PALM2AKAP2: variants seen among roughly 807,000 people sequenced by gnomAD.
The protein encoded by PALM2AKAP2 is PALM2 and AKAP2 fusion, also known as PALM2-AKAP2 fusion protein.
In PALM2AKAP2, 37 loss-of-function variants were observed where a neutral mutation model predicts 71.5. That is an observed-to-expected ratio of 0.52 (90% CI 0.40 to 0.68). The LOEUF is 0.68. Among genes scored for constraint, PALM2AKAP2 ranks in the 30% least tolerant of loss-of-function variants. The probability of loss-of-function intolerance (pLI) is 0.00; values close to 1 mark genes in which losing one functional copy is unlikely to be tolerated. For synonymous variants in PALM2AKAP2, 468 were observed against 478.8 expected (o/e 0.98, Z 0.29); for missense variants, 1,224 against 1,191.8 (o/e 1.03, Z -0.40).
intron 7 of PALM2AKAP2, among the ~76,000 whole-genome samples, chr9:110,023,927 G>A (rs1156518797): frequency 2.6e-5 from 4 of 152,090 alleles, no homozygotes; most frequent in Non-Finnish European, 5.9e-5. Flanking sequence ...CAGGGAGATT[G>A]AGGCTGCAGT....
At chr9:110,138,874 A>G (rs1324022313) in intron 2 of PALM2AKAP2, among the ~76,000 whole-genome samples, 2 of 152,240 alleles carry the variant, frequency 1.3e-5, no homozygotes, top group Non-Finnish European at 2.9e-5. Flanking sequence ...TTTGTGGCAT[A>G]GAACCAGAGT....
intron 1 of PALM2AKAP2, among the ~76,000 whole-genome samples, chr9:109,726,941 A>C (rs188297818): frequency 5.8e-4 from 89 of 152,344 alleles, no homozygotes; most frequent in Admixed American, 1.4e-3. Context: ...TCATTATTGC[A>C]GAAAGTTCCA....
intron 2 of PALM2AKAP2, 147 bp from the exon 3 acceptor site, chr9:109,880,404 G>A: frequency 8.4e-7 from 1 of 1,196,836 alleles, no homozygotes; most frequent in Non-Finnish European, 1.1e-6. Flanking sequence ...CTAGAGGGAA[G>A]TAGGGAGCCA....
intron 7 of PALM2AKAP2, among the ~76,000 whole-genome samples, chr9:110,036,974 C>T (rs1333099828): frequency 6.6e-6 from 1 of 152,146 alleles, no homozygotes; most frequent in African/African-American, 2.4e-5. Flanking sequence ...CAATATCTAT[C>T]CCTTTACCCT....
intron 1 of PALM2AKAP2, among the ~76,000 whole-genome samples, chr9:109,702,955 A>G (rs1828086455): frequency 6.6e-6 from 1 of 151,816 alleles, no homozygotes; most frequent in South Asian, 2.1e-4. Context: ...TGTAGCTGGG[A>G]GTACAGGCAC....
chr9:109,835,448 G>A (rs1005707760), intron 1 of PALM2AKAP2, among the ~76,000 whole-genome samples: 11 of 152,066 alleles, frequency 7.2e-5, no homozygotes, highest in Middle Eastern at 3.2e-3. Context: ...AGCTCCCAGC[G>A]TGAGCAACAC....
At chr9:109,935,039 C>A (rs978722956) in intron 6 of PALM2AKAP2, among the ~76,000 whole-genome samples, 1 of 152,214 alleles carries the variant, frequency 6.6e-6, no homozygotes, top group African/African-American at 2.4e-5. Context: ...GGAATGATGT[C>A]ATGGGATTTG....
At chr9:109,806,500 A>G (rs1306235175) in intron 1 of PALM2AKAP2, among the ~76,000 whole-genome samples, 1 of 152,250 alleles carries the variant, frequency 6.6e-6, no homozygotes, top group Non-Finnish European at 1.5e-5. Flanking sequence ...TGAATAAACT[A>G]TTGAATATAT....
chr9:110,151,034 C>T (rs1426779933), intron 2 of PALM2AKAP2, among the ~76,000 whole-genome samples: 1 of 152,152 alleles, frequency 6.6e-6, no homozygotes, highest in Non-Finnish European at 1.5e-5. Context: ...AAACACAGTG[C>T]TGAACGTTCT....
intron 1 of PALM2AKAP2, among the ~76,000 whole-genome samples, chr9:110,110,394 A>G (rs534854383): frequency 1.6e-3 from 237 of 152,194 alleles, no homozygotes; most frequent in Non-Finnish European, 2.3e-3. Flanking sequence ...AGAGCAAACC[A>G]CAGTGGCACT....
chr9:110,069,172 G>A (rs758353118), intron 1 of PALM2AKAP2, among the ~76,000 whole-genome samples: 3 of 152,128 alleles, frequency 2.0e-5, no homozygotes, highest in Non-Finnish European at 2.9e-5. Context: ...TCAAAACCTT[G>A]GTTTTGTAAA....
At chr9:109,702,762 A>T (rs987214189) in intron 1 of PALM2AKAP2, among the ~76,000 whole-genome samples, 1 of 151,392 alleles carries the variant, frequency 6.6e-6, no homozygotes, top group South Asian at 2.1e-4. Context: ...TAAAAAAAAA[A>T]AAAGAAAATA....
intron 1 of PALM2AKAP2, among the ~76,000 whole-genome samples, chr9:110,087,540 C>T (rs1386742313): frequency 1.3e-5 from 2 of 152,188 alleles, no homozygotes; most frequent in Non-Finnish European, 2.9e-5. Context: ...TTGGAGGCTC[C>T]TTCAGTTCCT....
chr9:109,985,821 T>C (rs146657323), intron 6 of PALM2AKAP2, among the ~76,000 whole-genome samples: 2 of 152,074 alleles, frequency 1.3e-5, no homozygotes, highest in African/African-American at 4.8e-5. Flanking sequence ...GGCTAATTTT[T>C]GTATTGTTAG....
At position 110,048,772 on chromosome 9, in the gene PALM2AKAP2, C is replaced by T. The variant is rs1051951411; in HGVS notation, c.73C>T (p.Pro25Ser). 4.7e-6 allele frequency: 7 copies of T among 1,489,754 alleles called. No individual in the cohort carries two copies. The African/African-American group carries it at 6.9e-5, about 15-fold the overall frequency. The allele number at this position is 1,489,754 out of a possible 1,614,324, so 92.3% of individuals were successfully genotyped here. ...TCCTGGACCCCCGGAGTCTCCTGGA[C>T]CCCCGGAGCGGGAGGCAGCGGCCGC... The change falls in exon 1 of 4, where the codon CCC becomes TCC. Residue 25 changes from proline to serine, a missense_variant. Physicochemically the swap from Pro to Ser is moderately conservative, Grantham distance 74. Transcript: ENST00000374525.
chr9:110,125,489 A>C (rs1225754981), intron 1 of PALM2AKAP2: 10 of 985,250 alleles, frequency 1.0e-5, no homozygotes, highest in Non-Finnish European at 1.2e-5. Context: ...GTCTTCCGTC[A>C]GGAGGCTCAG....
At position 109,951,393 on chromosome 9, in the gene PALM2AKAP2, C is replaced by T. The variant is rs570852765; in HGVS notation, c.496+19365C>T. On this transcript the variant is annotated intron_variant, in intron 6 of 9. Transcript: ENST00000302798. Reference sequence around the variant, plus strand: ...CCGACTTCAGAAAAGACACTACCAGCGACAGCTGATGCTGTACTTGTAGCT... The same window carrying T: ...CCGACTTCAGAAAAGACACTACCAGTGACAGCTGATGCTGTACTTGTAGCT... Among the ~76,000 whole-genome samples the T allele has an allele frequency of 5.3e-5, 8 of 152,322 alleles. No individual in the cohort carries two copies. In the South Asian group the frequency reaches 1.2e-3, roughly 24 times the overall value.
chr9:109,980,580 C>T (rs943305939), intron 6 of PALM2AKAP2, among the ~76,000 whole-genome samples: 1 of 152,152 alleles, frequency 6.6e-6, no homozygotes, highest in Non-Finnish European at 1.5e-5. Context: ...TAGAAGGAGC[C>T]TTCTCAAATG....
exon 3 of PALM2AKAP2, chr9:110,156,490 ATAG>A: frequency 6.2e-7 from 1 of 1,602,634 alleles, no homozygotes; most frequent in African/African-American, 1.3e-5. Context: ...AGAATGGATG[ATAG>A]TAGTGTAAGT....
Sources: allele counts gnomAD v4.1 joint callset (sites outside exome capture counted in the v4.1 genomes callset), GRCh38; gene constraint gnomAD v4.1.1; transcripts MANE v1.5; gene names NCBI Gene and HGNC (gene_info 2026-07-23, HGNC 2026-07-21).